The following GALNT18 variants were observed in gnomAD, a reference collection of about 807,000 sequenced individuals.
The protein encoded by GALNT18 is polypeptide N-acetylgalactosaminyltransferase 18, also known as GalNAc-transferase 18.
A neutral mutation model predicts 69.5 loss-of-function variants in GALNT18; 44 were observed. The observed-to-expected ratio is 0.63, with a 90% CI of 0.50 to 0.81. The LOEUF (loss-of-function observed/expected upper bound fraction) is 0.81, where lower values mean the gene tolerates loss of function less well. GALNT18 is among the 40% of genes least tolerant of loss of function. The pLI, the probability that GALNT18 is intolerant of heterozygous loss-of-function variation, is 0.00. For missense variants in GALNT18, 715 were observed against 810.0 expected, an observed-to-expected ratio of 0.88 and a Z score of 1.42; for synonymous variants, 364 against 318.2, an observed-to-expected ratio of 1.14 and a Z score of -1.53.
intron 2 of GALNT18, among the ~76,000 whole-genome samples, chr11:11,448,004 CAAAT>C (rs1399216610): frequency 6.6e-6 from 1 of 152,188 alleles, no homozygotes; most frequent in Non-Finnish European, 1.5e-5. Context: ...CCCTGAGCCA[CAAAT>C]AACCATACCC....
chr11:11,549,803 C>G lies in GALNT18; in HGVS notation c.235+71556G>C, dbSNP rs189800846. 7.9e-5 allele frequency among the ~76,000 whole-genome samples: 12 copies of G among 152,316 alleles called. No homozygotes were observed. In the East Asian group the frequency reaches 2.1e-3, roughly 27 times the overall value. The stretch of plus-strand genomic sequence containing the variant: ...CCTGCCCTGACACACTGGAGGAGAA[C>G]CTAACCCACACAAATATCCTTGTAG... On this transcript the variant is annotated intron_variant, in intron 1 of 10. Transcript: ENST00000227756.
chr11:11,544,982 C>A (rs1858014639), intron 1 of GALNT18, among the ~76,000 whole-genome samples: 1 of 152,188 alleles, frequency 6.6e-6, no homozygotes, highest in Non-Finnish European at 1.5e-5. Flanking sequence ...ACTACACTAC[C>A]CTGCCTTCCT....
chr11:11,278,292 A>G (rs1318347726), intron 10 of GALNT18, among the ~76,000 whole-genome samples: 1 of 149,240 alleles, frequency 6.7e-6, no homozygotes, highest in East Asian at 2.0e-4. Flanking sequence ...ACTTGAACTC[A>G]GCTCTGGACC....
chr11:11,561,996 C>T (rs1017737040), intron 1 of GALNT18, among the ~76,000 whole-genome samples: 2 of 152,254 alleles, frequency 1.3e-5, no homozygotes, highest in Non-Finnish European at 2.9e-5. Flanking sequence ...CGAGTGAATG[C>T]AGGGCAGGGC....
Position 11,432,680 on chromosome 11 carries a change from T to C in GALNT18, c.536A>G (p.Glu179Gly), listed in dbSNP as rs910411580. The C allele has an allele frequency of 1.2e-6, 2 of 1,613,368 alleles. No individual in the cohort carries two copies. Among genetic ancestry groups the C allele is most frequent in the Non-Finnish European group, 1.7e-6 (2 of 1,179,712 alleles). Residue 179 changes from glutamate (E) to glycine (G), a missense_variant, in exon 3 of 11, where the codon GAA becomes GGA. By Grantham distance (98) the Glu-to-Gly change is moderately conservative. Transcript: ENST00000227756. This position sits in a 1 kb window ranked among gnomAD's most constrained non-coding sequence, Gnocchi z 5.8. ...VLLRSIHSAM[E>G]RTPPHLLKEI... ...CTTGAGCAGATGTGGGGGCGTGCGT[T>C]CCATGGCCGAGTGGATGGAGCGCAG...
At chr11:11,557,886 T>C (rs1388878832) in intron 1 of GALNT18, among the ~76,000 whole-genome samples, 6 of 152,214 alleles carry the variant, frequency 3.9e-5, no homozygotes, top group Non-Finnish European at 7.3e-5. Flanking sequence ...TGAGTTGACA[T>C]TTCCCCAGCT....
intron 1 of GALNT18, among the ~76,000 whole-genome samples, chr11:11,490,234 A>AACACAC (rs61477736): frequency 1.9e-4 from 24 of 125,152 alleles, no homozygotes; most frequent in African/African-American, 3.3e-4. Flanking sequence ...CTCTCTCTCT[A>AACACAC]ACACACACAC....
At chr11:11,353,072 A>G (rs757468139) in intron 6 of GALNT18, 4 of 1,614,066 alleles carry the variant, frequency 2.5e-6, no homozygotes, top group East Asian at 2.2e-5. Context: ...GTCTGTGTGT[A>G]TTAACATCTG....
chr11:11,531,317 G>C (rs570832834), intron 1 of GALNT18, among the ~76,000 whole-genome samples: 24 of 152,312 alleles, frequency 1.6e-4, no homozygotes, highest in African/African-American at 5.5e-4. Flanking sequence ...TTGCAGACAT[G>C]TGGGAGGGGC....
intron 1 of GALNT18, among the ~76,000 whole-genome samples, chr11:11,482,260 C>G (rs888676203): frequency 6.6e-6 from 1 of 152,246 alleles, no homozygotes; most frequent in Admixed American, 6.5e-5. Context: ...CATCCTCCCC[C>G]AGCTGTGCCA....
chr11:11,515,748 C>T (rs1252124655), intron 1 of GALNT18, among the ~76,000 whole-genome samples: 1 of 152,202 alleles, frequency 6.6e-6, no homozygotes, highest in Admixed American at 6.5e-5. Flanking sequence ...AGCCTTGTGG[C>T]TGTCTGGGAG....
chr11:11,467,465 G>A (rs1218958530), intron 1 of GALNT18, among the ~76,000 whole-genome samples: 2 of 152,188 alleles, frequency 1.3e-5, no homozygotes, highest in South Asian at 2.1e-4. Flanking sequence ...CAGCACAGGC[G>A]CCATGCCAGT....
chr11:11,516,387 T>C (rs1857276803), intron 1 of GALNT18, among the ~76,000 whole-genome samples: 1 of 152,172 alleles, frequency 6.6e-6, no homozygotes, highest in South Asian at 2.1e-4. Flanking sequence ...ATCCCAGCAC[T>C]TCAGGAGGCC....
intron 1 of GALNT18, among the ~76,000 whole-genome samples, chr11:11,594,019 T>C (rs1355576150): frequency 1.3e-5 from 2 of 152,210 alleles, no homozygotes; most frequent in African/African-American, 4.8e-5. Flanking sequence ...CTAGGCTACA[T>C]AGTAGATTCT....
At chr11:11,446,499 C>G (rs1855656116) in intron 2 of GALNT18, among the ~76,000 whole-genome samples, 1 of 152,194 alleles carries the variant, frequency 6.6e-6, no homozygotes. Context: ...TCCAGAGCCC[C>G]TGTGTGCTGC....
rs1857157075 is a variant in GALNT18, at chr11:11,511,178, G to A, written c.236-62242C>T. On this transcript the variant is annotated intron_variant, in intron 1 of 10. Coordinates refer to ENST00000227756, the MANE Select transcript of GALNT18 (RefSeq NM_198516.3). The surrounding 1 kb of genome is among the most constrained non-coding windows in gnomAD (Gnocchi z 4.9). ...TGGACTGAATGAGGTTTCTCGCTGT[G>A]AATAATGGCATTGAAGTATTCAAGG... 6.6e-6 allele frequency among the ~76,000 whole-genome samples: 1 copy of A among 152,202 alleles called. No individual in the cohort carries two copies. The highest frequency in any genetic ancestry group is 1.5e-5 in the Non-Finnish European group (1 of 68,036).
At chr11:11,477,810 G>C (rs902004108) in intron 1 of GALNT18, among the ~76,000 whole-genome samples, 1 of 152,164 alleles carries the variant, frequency 6.6e-6, no homozygotes, top group African/African-American at 2.4e-5. Flanking sequence ...TGATAACAAA[G>C]ATACAGATGC....
At chr11:11,504,240 A>G (rs1317034226) in intron 1 of GALNT18, among the ~76,000 whole-genome samples, 1 of 152,186 alleles carries the variant, frequency 6.6e-6, no homozygotes, top group African/African-American at 2.4e-5. Flanking sequence ...CAAAGGCAGG[A>G]TCAGAGCCAA....
chr11:11,574,936 A>G (rs1858883848), intron 1 of GALNT18, among the ~76,000 whole-genome samples: 1 of 152,214 alleles, frequency 6.6e-6, no homozygotes, highest in Non-Finnish European at 1.5e-5. Flanking sequence ...AATAGTCATG[A>G]TTTATCAAGA....
Sources: gnomAD v4.1 joint callset for allele counts (sites outside exome capture counted in the v4.1 genomes callset) on GRCh38, gnomAD v4.1.1 for gene constraint, Gnocchi (gnomAD v3.1) non-coding constraint, MANE v1.5 for transcripts, NCBI Gene and HGNC (gene_info 2026-07-23, HGNC 2026-07-21) for gene names.